The following ZMYND11 variants were observed in gnomAD, a reference collection of about 807,000 sequenced individuals.
The protein encoded by ZMYND11 is zinc finger MYND domain-containing protein 11.
Under a neutral mutation model 84.9 loss-of-function variants are expected in ZMYND11, and 9 were observed. The ratio of observed to expected loss-of-function variants is 0.11; its 90% CI spans 0.06 to 0.18. The LOEUF is 0.18. Among genes scored for constraint, ZMYND11 ranks in the 10% least tolerant of loss-of-function variants. The pLI is 1.00. For synonymous variants in ZMYND11, 250 were observed against 244.1 expected (o/e 1.02, Z -0.23); for missense variants, 409 against 761.0 (o/e 0.54, Z 5.44).
At chr10:132,146 A>G (rs1418495701), upstream of ZMYND11, among the ~76,000 whole-genome samples, 1 of 152,026 alleles carries the variant, frequency 6.6e-6, no homozygotes, top group Non-Finnish European at 1.5e-5. Context: ...AAAGGCATGG[A>G]ATGAAATCAA....
chr10:166,548 C>G (rs1466676393), intron 1 of ZMYND11, among the ~76,000 whole-genome samples: 1 of 151,948 alleles, frequency 6.6e-6, no homozygotes, highest in Non-Finnish European at 1.5e-5. Flanking sequence ...GAGGTAATTA[C>G]TTAGATGGCT....
At chr10:246,234 T>C (rs568881470) in intron 10 of ZMYND11, among the ~76,000 whole-genome samples, 2 of 152,256 alleles carry the variant, frequency 1.3e-5, no homozygotes, top group Non-Finnish European at 2.9e-5. Context: ...AGAGGCATGA[T>C]ACAAATATGA....
At chr10:197,304 A>G (rs529234685) in intron 2 of ZMYND11, among the ~76,000 whole-genome samples, 5 of 152,388 alleles carry the variant, frequency 3.3e-5, no homozygotes, top group East Asian at 1.9e-4. Flanking sequence ...GTATTCATGT[A>G]TGTGTATCAA....
intron 1 of ZMYND11, among the ~76,000 whole-genome samples, chr10:153,771 A>G (rs1203917228): frequency 6.6e-6 from 1 of 152,200 alleles, no homozygotes; most frequent in Non-Finnish European, 1.5e-5. Flanking sequence ...CCAAAGTGCC[A>G]TTTGCATTAG....
chr10:208,377 T>C (rs1199707894), intron 2 of ZMYND11, among the ~76,000 whole-genome samples: 3 of 151,984 alleles, frequency 2.0e-5, no homozygotes, highest in African/African-American at 7.3e-5. Flanking sequence ...GGGAGAAAAT[T>C]TTCACAACCT....
chr10:236,936 C>G, intron 5 of ZMYND11, 21 bp downstream of exon 5: 1 of 1,597,390 alleles, frequency 6.3e-7, no homozygotes, highest in Non-Finnish European at 8.5e-7. Context: ...CTCAGGGAAT[C>G]TTTCAAAATA....
chr10:223,326 A>G (rs1037057139), intron 4 of ZMYND11, among the ~76,000 whole-genome samples: 3 of 152,182 alleles, frequency 2.0e-5, no homozygotes, highest in South Asian at 2.1e-4. Flanking sequence ...GTTGTGAGCC[A>G]TCGTGCCCAG....
At chr10:212,862 G>A (rs1428229213) in intron 3 of ZMYND11, among the ~76,000 whole-genome samples, 1 of 152,076 alleles carries the variant, frequency 6.6e-6, no homozygotes, top group Non-Finnish European at 1.5e-5. Context: ...CACAAGACTT[G>A]TAAAGAGGTT....
At chr10:249,497 T>C (rs1172925332) in intron 14 of ZMYND11, 1 of 984,830 alleles carries the variant, frequency 1.0e-6, no homozygotes, top group Non-Finnish European at 1.2e-6. Context: ...TTCCCTGCAC[T>C]TAACATTTAT....
intron 1 of ZMYND11, among the ~76,000 whole-genome samples, chr10:163,807 G>A (rs934855329): frequency 6.6e-6 from 1 of 152,130 alleles, no homozygotes; most frequent in Admixed American, 6.6e-5. Context: ...AGTGTGAACA[G>A]TTGTCTTGGA....
chr10:147,001 C>T (rs1000953439), intron 1 of ZMYND11, among the ~76,000 whole-genome samples: 4 of 152,222 alleles, frequency 2.6e-5, no homozygotes, highest in African/African-American at 9.7e-5. Flanking sequence ...ATTACCCAGT[C>T]TCGAGTATGT....
chr10:163,519 ACTC>A (rs1454009090), intron 1 of ZMYND11, among the ~76,000 whole-genome samples: 4 of 152,026 alleles, frequency 2.6e-5, no homozygotes, highest in African/African-American at 7.2e-5. Flanking sequence ...GGAATTTGTT[ACTC>A]CTCATATTTT....
chr10:208,962 T>G (rs1473683856), intron 2 of ZMYND11, among the ~76,000 whole-genome samples: 1 of 151,958 alleles, frequency 6.6e-6, no homozygotes, highest in African/African-American at 2.4e-5. Context: ...TCTTTGAAGT[T>G]TAGTAGTTAA....
chr10:250,026 C>T (rs1953054610), intron 14 of ZMYND11, among the ~76,000 whole-genome samples: 1 of 152,172 alleles, frequency 6.6e-6, no homozygotes, highest in Admixed American at 6.5e-5. Context: ...AAACAACCTG[C>T]ACATTGGGTG....
intron 1 of ZMYND11, among the ~76,000 whole-genome samples, chr10:172,803 C>T (rs1350445468): frequency 6.6e-6 from 1 of 152,100 alleles, no homozygotes; most frequent in Admixed American, 6.6e-5. Context: ...TATTGAAGGA[C>T]AAAGTCTGAG....
intron 2 of ZMYND11, among the ~76,000 whole-genome samples, chr10:200,691 GAC>G (rs1407829486): frequency 6.6e-6 from 1 of 152,082 alleles, no homozygotes; most frequent in Non-Finnish European, 1.5e-5. Context: ...TGTAATGCTG[GAC>G]TGCTTTCTAG....
chr10:209,013 G>T (rs921992779), intron 2 of ZMYND11, among the ~76,000 whole-genome samples: 124 of 152,118 alleles, frequency 8.2e-4, no homozygotes, highest in African/African-American at 2.9e-3. Context: ...ATGTGTGTGT[G>T]TGTGTGTATA....
At chr10:214,181 A>G (rs911818578) in intron 3 of ZMYND11, among the ~76,000 whole-genome samples, 4 of 152,198 alleles carry the variant, frequency 2.6e-5, no homozygotes, top group African/African-American at 9.6e-5. Flanking sequence ...TAGGTAATAG[A>G]TAAGCATCTT....
In ZMYND11 at chr10:193,248, T is replaced by C. The variant is rs552929842; in HGVS notation, c.116+13120T>C. On this transcript the variant is annotated intron_variant, in intron 2 of 14. Coordinates refer to ENST00000381604, the MANE Select transcript of ZMYND11 (RefSeq NM_001370100.5). ...GGATCTACTTTACCTTATTATCTTATGTTTCACTCCATAGTAAGTCTGCCT... is the reference window on the plus strand; with the variant it reads ...GGATCTACTTTACCTTATTATCTTACGTTTCACTCCATAGTAAGTCTGCCT... 3.9e-5 allele frequency among the ~76,000 whole-genome samples: 6 copies of C among 152,360 alleles called. No homozygotes were observed. In the East Asian group the frequency reaches 7.7e-4, roughly 20 times the overall value.
Sources: allele counts gnomAD v4.1 joint callset (sites outside exome capture counted in the v4.1 genomes callset), GRCh38; gene constraint gnomAD v4.1.1; transcripts MANE v1.5; gene names NCBI Gene and HGNC (gene_info 2026-07-23, HGNC 2026-07-21).